PDE9A: variants seen among roughly 807,000 people sequenced by gnomAD.
PDE9A encodes the protein high affinity cGMP-specific 3',5'-cyclic phosphodiesterase 9A.
PDE9A carries 60 observed loss-of-function variants against 87.4 expected under a neutral mutation model. That is an observed-to-expected ratio of 0.69 (90% CI 0.56 to 0.85). The LOEUF is 0.85. PDE9A is among the 40% of genes least tolerant of loss of function. PDE9A has a pLI of 0.00. For missense variants in PDE9A, 665 were observed against 779.0 expected (o/e 0.85, Z 1.74); for synonymous variants, 272 against 279.4 (o/e 0.97, Z 0.27).
chr21:42,688,403 T>C (rs2059596138), intron 3 of PDE9A, among the ~76,000 whole-genome samples: 1 of 152,048 alleles, frequency 6.6e-6, no homozygotes. Context: ...TCTGTGTTCA[T>C]AAAGTGATGC....
intron 4 of PDE9A, among the ~76,000 whole-genome samples, chr21:42,724,272 A>C (rs12185853): frequency 2.0e-5 from 3 of 152,088 alleles, no homozygotes; most frequent in Non-Finnish European, 4.4e-5. Context: ...CTCAGTGGGC[A>C]TCCGTGATGC....
intron 14 of PDE9A, among the ~76,000 whole-genome samples, chr21:42,762,499 C>T (rs2055905178): frequency 6.6e-6 from 1 of 152,214 alleles, no homozygotes; most frequent in Non-Finnish European, 1.5e-5. Flanking sequence ...CACTGGCTCC[C>T]TTTGAGATAA....
rs763882532 is a variant in PDE9A, at chr21:42,686,215, C to T, written c.93C>T (p.Asn31=). The change falls in exon 2 of 20, where the codon AAC becomes AAT. Residue 31 remains asparagine (N), a synonymous_variant. Transcript: ENST00000291539. ...AGGTAATCTTCAGCAAGTACTGCAA[C>T]TCCAGCGACATCATGGACCTGTTCT... ...IQKVIFSKYC[N]SSDIMDLFCI... The T allele has an allele frequency of 1.2e-6, 2 of 1,613,970 alleles. No homozygotes were observed. The highest frequency in any genetic ancestry group is 2.2e-5 in the East Asian group (1 of 44,868).
At chr21:42,721,031 A>C (rs1474818967) in intron 4 of PDE9A, among the ~76,000 whole-genome samples, 1 of 152,014 alleles carries the variant, frequency 6.6e-6, no homozygotes, top group Non-Finnish European at 1.5e-5. Context: ...GATAGAGCTA[A>C]CATGCATGAA....
At chr21:42,693,915 AC>A (rs2060007705) in intron 3 of PDE9A, among the ~76,000 whole-genome samples, 1 of 151,896 alleles carries the variant, frequency 6.6e-6, no homozygotes, top group Non-Finnish European at 1.5e-5. Flanking sequence ...TTTAAAAGGT[AC>A]CAGTTGATGC....
At chr21:42,726,593 C>T (rs7277457) in intron 4 of PDE9A, among the ~76,000 whole-genome samples, 1,025 of 38,090 alleles carry the variant, frequency 0.027, 71 homozygotes, top group African/African-American at 0.13. Context: ...CACGCCTGGC[C>T]ATATATATAT....
At chr21:42,738,447 G>C (rs1476394864) in intron 7 of PDE9A, among the ~76,000 whole-genome samples, 1 of 152,178 alleles carries the variant, frequency 6.6e-6, no homozygotes, top group Non-Finnish European at 1.5e-5. Context: ...GGAGCACAGT[G>C]AGGCTGGGGA....
rs1004336745 is a variant in PDE9A, at chr21:42,728,999, CAAAAAAA to C, written c.263-2759_263-2753del. 1.3e-3 allele frequency among the ~76,000 whole-genome samples: 122 copies of C among 94,438 alleles called. 1 individual carries two copies. Among genetic ancestry groups the C allele is most frequent in the African/African-American group, 3.9e-3 (112 of 28,860 alleles). 62.0% of individuals were successfully genotyped at this position (94,438 alleles called of 152,430 possible). A position where few individuals can be genotyped will look rare whatever the true frequency, so the allele number is the denominator to read the frequency against. On this transcript the variant is annotated intron_variant, in intron 4 of 19. Transcript: ENST00000291539. ...TGGGGGACAGAGTGAGACTCAGTCT[CAAAAAAA>C]AAAAAAAAAAAGAATGGTAGTGTTC... is the stretch of plus-strand genomic sequence containing the variant.
Position 42,697,476 on chromosome 21 carries a change from T to C in PDE9A, c.219-1492T>C, listed in dbSNP as rs17115373. On this transcript the variant is annotated intron_variant, in intron 3 of 19. Coordinates refer to ENST00000291539, the MANE Select transcript of PDE9A (RefSeq NM_002606.3). ...GTTGTTTTTACCTAGTAAGGAGTCA[T>C]GGGCGTCCCACCAGGTGAATACTTG... 1.6e-3 allele frequency: 2,565 copies of C among 1,605,590 alleles called. 26 individuals are homozygous for C. The African/African-American group carries it at 0.031, about 19-fold the overall frequency.
At chr21:42,713,889 T>A (rs1051235485) in intron 4 of PDE9A, among the ~76,000 whole-genome samples, 2 of 134,480 alleles carry the variant, frequency 1.5e-5, no homozygotes, top group East Asian at 2.0e-4. Context: ...TTGTTAAAAC[T>A]TTTTTTTTAA....
chr21:42,679,847 A>G (rs2059065940), intron 1 of PDE9A, among the ~76,000 whole-genome samples: 2 of 152,016 alleles, frequency 1.3e-5, no homozygotes. Context: ...TGGAGGCCAG[A>G]CCCTCAAACT....
At chr21:42,698,497 G>C (rs549524832) in intron 3 of PDE9A, among the ~76,000 whole-genome samples, 1 of 151,878 alleles carries the variant, frequency 6.6e-6, no homozygotes, top group East Asian at 1.9e-4. Flanking sequence ...TCGTGATGAT[G>C]GGGGGAGGGG....
At chr21:42,662,687 ACATGCACACAC>A (rs966755561) in intron 1 of PDE9A, among the ~76,000 whole-genome samples, 3 of 144,586 alleles carry the variant, frequency 2.1e-5, no homozygotes, top group East Asian at 2.1e-4. Flanking sequence ...CACTGCACAC[ACATGCACACAC>A]CATGCACACG....
intron 1 of PDE9A, among the ~76,000 whole-genome samples, chr21:42,676,258 C>A (rs2058838276): frequency 6.6e-6 from 1 of 152,216 alleles, no homozygotes; most frequent in Non-Finnish European, 1.5e-5. Context: ...AGAACAGCCT[C>A]ATGCACTTGT....
chr21:42,662,414 G>A (rs563079097), intron 1 of PDE9A, among the ~76,000 whole-genome samples: 2 of 151,902 alleles, frequency 1.3e-5, no homozygotes, highest in Non-Finnish European at 2.9e-5. Context: ...TGCCCCTTCC[G>A]ACTGTTGCAG....
chr21:42,766,298 C>T (rs184495336), intron 15 of PDE9A, among the ~76,000 whole-genome samples: 2 of 152,296 alleles, frequency 1.3e-5, no homozygotes, highest in African/African-American at 2.4e-5. Flanking sequence ...GCACTCCAGC[C>T]TGGGCAACAG....
chr21:42,674,260 A>AGAT (rs2058714807), intron 1 of PDE9A, among the ~76,000 whole-genome samples: 1 of 150,494 alleles, frequency 6.6e-6, no homozygotes, highest in African/African-American at 2.4e-5. Flanking sequence ...ACAGTGTAGG[A>AGAT]GATGCATGGA....
intron 15 of PDE9A, among the ~76,000 whole-genome samples, chr21:42,767,261 G>A (rs35148253): frequency 2.6e-4 from 39 of 152,232 alleles, no homozygotes; most frequent in African/African-American, 8.4e-4. Context: ...GAGTGTGGCC[G>A]GCAGGGCCTG....
chr21:42,667,492 C>G (rs1347460947), intron 1 of PDE9A, among the ~76,000 whole-genome samples: 2 of 151,896 alleles, frequency 1.3e-5, no homozygotes, highest in East Asian at 3.9e-4. Flanking sequence ...AGTTGCCTGC[C>G]CAGTATGTTT....
Sources: gnomAD v4.1 joint callset for allele counts (sites outside exome capture counted in the v4.1 genomes callset) on GRCh38, gnomAD v4.1.1 for gene constraint, MANE v1.5 for transcripts, NCBI Gene and HGNC (gene_info 2026-07-23, HGNC 2026-07-21) for gene names.